RBFOX1: variants seen among roughly 807,000 people sequenced by gnomAD.
RBFOX1 encodes RNA binding fox-1 homolog 1, also known as RNA binding protein fox-1 homolog 1.
A neutral mutation model predicts 57.7 loss-of-function variants in RBFOX1; 8 were observed. That is an observed-to-expected ratio of 0.14 (90% CI 0.08 to 0.25). The LOEUF is 0.25. Ranked by LOEUF, RBFOX1 falls within the 10% of genes least tolerant of loss-of-function variation. The pLI, the probability that RBFOX1 is intolerant of heterozygous loss-of-function variation, is 1.00. For missense variants in RBFOX1, 611 were observed against 548.5 expected, an observed-to-expected ratio of 1.11 and a Z score of -1.14; for synonymous variants, 326 against 222.4, an observed-to-expected ratio of 1.47 and a Z score of -4.15.
chr16:5,512,741 C>T (rs191683697), intron 2 of RBFOX1, among the ~76,000 whole-genome samples: 11 of 152,308 alleles, frequency 7.2e-5, no homozygotes, highest in African/African-American at 1.9e-4. Flanking sequence ...GTGACACGTT[C>T]GTCATAACTA....
intron 2 of RBFOX1, among the ~76,000 whole-genome samples, chr16:6,369,175 T>G (rs1291141826): frequency 2.0e-5 from 3 of 152,324 alleles, no homozygotes; most frequent in South Asian, 2.1e-4. Flanking sequence ...AACTTGGGCA[T>G]AGGAAGCAGA....
rs76004864 is a variant in RBFOX1 at position 5,706,718 on chromosome 16, G to T, written c.318+107757G>T. Among the ~76,000 whole-genome samples the T allele has an allele frequency of 3.3e-5, 5 of 152,142 alleles. No homozygotes were observed. In the East Asian group the frequency reaches 9.7e-4, roughly 29 times the overall value. ...CTGGTTGCCAAATGAAATGATTTTGGTATTTTTTTTCCTACGATGGTTGAT... is the reference window on the plus strand; with the variant it reads ...CTGGTTGCCAAATGAAATGATTTTGTTATTTTTTTTCCTACGATGGTTGAT... On this transcript the variant is annotated intron_variant, in intron 3 of 19. Transcript: ENST00000641259.
intron 5 of RBFOX1, among the ~76,000 whole-genome samples, chr16:7,575,695 G>A (rs553505197): frequency 1.5e-4 from 23 of 152,258 alleles, no homozygotes; most frequent in South Asian, 6.2e-4. Context: ...GCTTTAAGCC[G>A]CCAGCTTTAT....
chr16:5,381,553 A>G (rs2066131439), intron 1 of RBFOX1, among the ~76,000 whole-genome samples: 1 of 152,152 alleles, frequency 6.6e-6, no homozygotes, highest in Non-Finnish European at 1.5e-5. Flanking sequence ...GAGGATGAAG[A>G]GGTCAAGGCA....
At chr16:7,180,058 G>T (rs977166150) in intron 4 of RBFOX1, among the ~76,000 whole-genome samples, 1 of 151,964 alleles carries the variant, frequency 6.6e-6, no homozygotes, top group Non-Finnish European at 1.5e-5. Context: ...TAGATATTTT[G>T]AACAGAGCCT....
chr16:6,974,828 C>A (rs1021744039), intron 3 of RBFOX1, among the ~76,000 whole-genome samples: 1 of 152,058 alleles, frequency 6.6e-6, no homozygotes, highest in African/African-American at 2.4e-5. Flanking sequence ...GCTTGTAGTC[C>A]TTTTACTTCC....
chr16:7,089,111 G>C (rs898020633), intron 4 of RBFOX1, among the ~76,000 whole-genome samples: 3 of 152,078 alleles, frequency 2.0e-5, no homozygotes, highest in African/African-American at 7.2e-5. Flanking sequence ...ATTTTCCTTT[G>C]TAGCGACTTT....
chr16:6,633,976 C>T (rs1160646691), intron 2 of RBFOX1, among the ~76,000 whole-genome samples: 1 of 152,180 alleles, frequency 6.6e-6, no homozygotes, highest in African/African-American at 2.4e-5. Flanking sequence ...GACCGCACTA[C>T]TGCTGTCCAG....
At chr16:6,332,985 A>G (rs1218178951) in intron 2 of RBFOX1, among the ~76,000 whole-genome samples, 1 of 152,074 alleles carries the variant, frequency 6.6e-6, no homozygotes, top group African/African-American at 2.4e-5. Context: ...GAGAGTTTTG[A>G]TTGTATTTTA....
chr16:6,206,916 A>C (rs1490872749), intron 1 of RBFOX1, among the ~76,000 whole-genome samples: 3 of 151,608 alleles, frequency 2.0e-5, no homozygotes, highest in African/African-American at 7.3e-5. Context: ...CAGCTTTTTC[A>C]GCACATGGTG....
chr16:6,483,854 G>T (rs1255420916), intron 2 of RBFOX1: 1 of 1,202,494 alleles, frequency 8.3e-7, no homozygotes, highest in African/African-American at 1.6e-5. Flanking sequence ...GATGGAATCC[G>T]GGAAACCCAA....
At chr16:7,418,576 G>C (rs569238463) in intron 4 of RBFOX1, among the ~76,000 whole-genome samples, 20 of 152,102 alleles carry the variant, frequency 1.3e-4, no homozygotes, top group Admixed American at 8.5e-4. Flanking sequence ...GTAGACATTG[G>C]GTATGAAAGA....
At chr16:5,377,358 G>C (rs868381579) in intron 1 of RBFOX1, among the ~76,000 whole-genome samples, 6 of 151,292 alleles carry the variant, frequency 4.0e-5, no homozygotes, top group Non-Finnish European at 7.4e-5. Flanking sequence ...CTTGAGATGG[G>C]GTCACGTAAG....
chr16:7,157,086 T>A (rs144705007), intron 4 of RBFOX1, among the ~76,000 whole-genome samples: 44 of 152,340 alleles, frequency 2.9e-4, no homozygotes, highest in African/African-American at 1.0e-3. Flanking sequence ...CTACTAAATA[T>A]TCAGCCACTT....
intron 3 of RBFOX1, among the ~76,000 whole-genome samples, chr16:6,966,929 A>G (rs1158984210): frequency 1.3e-5 from 2 of 148,250 alleles, no homozygotes; most frequent in African/African-American, 2.6e-5. Context: ...CCATCCATCC[A>G]TCCATCCATT....
At chr16:5,781,267 A>G (rs2054313850) in intron 3 of RBFOX1, among the ~76,000 whole-genome samples, 1 of 152,204 alleles carries the variant, frequency 6.6e-6, no homozygotes, top group Non-Finnish European at 1.5e-5. Context: ...ATGGAATTGT[A>G]CAGTTTCAAT....
At chr16:6,487,743 ATATATAT>A (rs1448487033) in intron 2 of RBFOX1, among the ~76,000 whole-genome samples, 65 of 74,778 alleles carry the variant, frequency 8.7e-4, no homozygotes, top group East Asian at 5.5e-3. Flanking sequence ...ATATATATAT[ATATATAT>A]ATATAAAATA....
At chr16:6,803,051 A>G (rs1274066843) in intron 3 of RBFOX1, among the ~76,000 whole-genome samples, 1 of 152,098 alleles carries the variant, frequency 6.6e-6, no homozygotes, top group Admixed American at 6.6e-5. Flanking sequence ...TTTCCATTGA[A>G]CTCAAAATGT....
At chr16:6,407,071 G>T (rs753434240) in intron 2 of RBFOX1, among the ~76,000 whole-genome samples, 94 of 152,142 alleles carry the variant, frequency 6.2e-4, no homozygotes, top group Non-Finnish European at 9.1e-4. Flanking sequence ...TGGTGTTACG[G>T]TTGAATATCA....
Sources: allele counts gnomAD v4.1 joint callset (sites outside exome capture counted in the v4.1 genomes callset), GRCh38; gene constraint gnomAD v4.1.1; transcripts MANE v1.5; gene names NCBI Gene and HGNC (gene_info 2026-07-23, HGNC 2026-07-21).